Variants in PCSK2 observed in about 807,000 individuals in gnomAD.
PCSK2 encodes neuroendocrine convertase 2.
PCSK2 carries 14 observed loss-of-function variants against 69.7 expected under a neutral mutation model. The ratio of observed to expected loss-of-function variants is 0.20; its 90% CI spans 0.13 to 0.31. The LOEUF is 0.31. PCSK2 is among the 10% of genes least tolerant of loss of function. The probability of loss-of-function intolerance (pLI) is 1.00; values close to 1 mark genes in which losing one functional copy is unlikely to be tolerated. For synonymous variants in PCSK2, 307 were observed against 320.7 expected, an observed-to-expected ratio of 0.96 and a Z score of 0.46; for missense variants, 544 against 842.5, an observed-to-expected ratio of 0.65 and a Z score of 4.39.
intron 1 of PCSK2, among the ~76,000 whole-genome samples, chr20:17,249,838 G>A (rs946638223): frequency 2.6e-5 from 4 of 151,850 alleles, no homozygotes; most frequent in East Asian, 1.9e-4. Context: ...TCCAGGGCTG[G>A]GGGGGGAATG....
At chr20:17,317,014 C>T (rs1989710206) in intron 2 of PCSK2, among the ~76,000 whole-genome samples, 1 of 152,216 alleles carries the variant, frequency 6.6e-6, no homozygotes, top group South Asian at 2.1e-4. Flanking sequence ...TTCTTTCCTT[C>T]CTTGTTTTCT....
intron 10 of PCSK2, chr20:17,464,742 T>A (rs2033070762): frequency 6.5e-6 from 1 of 153,048 alleles, no homozygotes. Context: ...AGTTCATTCA[T>A]TCTCACTGCT....
intron 5 of PCSK2, among the ~76,000 whole-genome samples, chr20:17,385,265 T>C (rs1200604470): frequency 1.3e-5 from 2 of 152,220 alleles, no homozygotes; most frequent in African/African-American, 2.4e-5. Flanking sequence ...TGTTAGAAAC[T>C]TAAGTCCAGA....
intron 1 of PCSK2, among the ~76,000 whole-genome samples, chr20:17,245,674 G>A (rs759688044): frequency 6.6e-6 from 1 of 151,916 alleles, no homozygotes; most frequent in Non-Finnish European, 1.5e-5. Flanking sequence ...TTTTTACCTC[G>A]TGTTCAATCT....
chr20:17,373,944 G>T (rs1056270522), intron 5 of PCSK2, among the ~76,000 whole-genome samples: 1 of 152,142 alleles, frequency 6.6e-6, no homozygotes, highest in East Asian at 1.9e-4. Flanking sequence ...TTTCATCGGA[G>T]GGATCCAGTC....
At chr20:17,356,940 T>C (rs1429342437) in intron 2 of PCSK2, among the ~76,000 whole-genome samples, 2 of 151,922 alleles carry the variant, frequency 1.3e-5, no homozygotes, top group African/African-American at 2.4e-5. Flanking sequence ...ACCTAGAACT[T>C]CACTCCACCA....
Position 17,279,317 on chromosome 20 carries a change from A to G in PCSK2, c.282+18973A>G, listed in dbSNP as rs73249888. Among the ~76,000 whole-genome samples the G allele has an allele frequency of 3.9e-3, 587 of 152,288 alleles. 2 individuals carry two copies. Among genetic ancestry groups the G allele is most frequent in the African/African-American group, 0.014 (565 of 41,564 alleles). On this transcript the variant is annotated intron_variant, in intron 2 of 11. Coordinates refer to ENST00000262545, the MANE Select transcript of PCSK2 (RefSeq NM_002594.5). ...TGTTTCTCTGTTATCTTTGCCTACA[A>G]TGGTGCCATTGGGAGGTCAAGATCA...
intron 6 of PCSK2, among the ~76,000 whole-genome samples, chr20:17,412,113 G>C (rs1179760623): frequency 6.6e-6 from 1 of 152,142 alleles, no homozygotes; most frequent in African/African-American, 2.4e-5. Context: ...AAAAACGAGT[G>C]CCTCTTCTCC....
intron 2 of PCSK2, among the ~76,000 whole-genome samples, chr20:17,288,360 C>T (rs1392207939): frequency 2.0e-5 from 3 of 152,250 alleles, no homozygotes; most frequent in Non-Finnish European, 2.9e-5. Flanking sequence ...AGGGTGGCTT[C>T]GATGGACAGC....
At position 17,453,664 on chromosome 20, in the gene PCSK2, C is replaced by A. The variant is rs569725143; in HGVS notation, c.886-78C>A. ...AGGTTCAACTGCTGAAGAAGCCCAA[C>A]CCCTGGGCTGGAGACCTCCCCTGCC... On this transcript the variant is annotated intron_variant, in intron 8 of 11. Coordinates refer to ENST00000262545, the MANE Select transcript of PCSK2 (RefSeq NM_002594.5). The surrounding 1 kb of genome is among the most constrained non-coding windows in gnomAD (Gnocchi z 4.0). 2.1e-5 allele frequency: 32 copies of A among 1,530,920 alleles called. No individual in the cohort carries two copies. In the African/African-American group the frequency reaches 3.0e-4, roughly 14 times the overall value. 94.8% of individuals were successfully genotyped at this position (1,530,920 alleles called of 1,614,324 possible).
At chr20:17,412,768 G>A (rs1233283594) in intron 6 of PCSK2, among the ~76,000 whole-genome samples, 1 of 152,152 alleles carries the variant, frequency 6.6e-6, no homozygotes, top group Non-Finnish European at 1.5e-5. Flanking sequence ...AAAATGTTAA[G>A]GGTAGCCAGA....
At chr20:17,356,306 A>G (rs2030194895) in intron 2 of PCSK2, among the ~76,000 whole-genome samples, 1 of 152,098 alleles carries the variant, frequency 6.6e-6, no homozygotes, top group Non-Finnish European at 1.5e-5. Context: ...AGCTTGCCAC[A>G]GTGACTGTGA....
chr20:17,440,630 G>T (rs561747699), intron 8 of PCSK2, among the ~76,000 whole-genome samples: 1 of 152,294 alleles, frequency 6.6e-6, no homozygotes, highest in South Asian at 2.1e-4. Context: ...GGGGGCTAAG[G>T]CGGGTGGATC....
At chr20:17,377,221 G>T (rs2030953484) in intron 5 of PCSK2, among the ~76,000 whole-genome samples, 1 of 152,192 alleles carries the variant, frequency 6.6e-6, no homozygotes, top group South Asian at 2.1e-4. Flanking sequence ...TATGTTCTTT[G>T]GTTCCGTTCA....
At chr20:17,418,382 G>A (rs1393447732) in intron 6 of PCSK2, among the ~76,000 whole-genome samples, 1 of 152,096 alleles carries the variant, frequency 6.6e-6, no homozygotes, top group African/African-American at 2.4e-5. Context: ...TGTATCCCAG[G>A]GCAAGGATAT....
At chr20:17,422,574 T>C (rs953433888) in intron 6 of PCSK2, among the ~76,000 whole-genome samples, 1 of 150,480 alleles carries the variant, frequency 6.6e-6, no homozygotes, top group Non-Finnish European at 1.5e-5. Context: ...AAAATTGATA[T>C]GGAAAAACAA....
rs745788124 is a variant in PCSK2 at position 17,358,322 on chromosome 20, T to C, written c.283-5T>C. The C allele has an allele frequency of 6.5e-7, 1 of 1,539,048 alleles. No homozygotes were observed. The highest frequency in any genetic ancestry group is 9.0e-7 in the Non-Finnish European group (1 of 1,111,626). Reference sequence around the variant, plus strand: ...TCAGGTAATATGTCAGCATTGTCATTCCAGGTAAAGATGGCTTTGCAGCAG... The same window carrying C: ...TCAGGTAATATGTCAGCATTGTCATCCCAGGTAAAGATGGCTTTGCAGCAG... On this transcript the variant is annotated splice_polypyrimidine_tract_variant and splice_region_variant and intron_variant, in intron 2 of 11. Coordinates refer to ENST00000262545, the MANE Select transcript of PCSK2 (RefSeq NM_002594.5).
intron 1 of PCSK2, among the ~76,000 whole-genome samples, chr20:17,251,770 G>T (rs897257640): frequency 1.3e-5 from 2 of 152,286 alleles, no homozygotes; most frequent in South Asian, 4.1e-4. Context: ...TGTAATCCAG[G>T]CAGGGCACAG....
intron 4 of PCSK2, among the ~76,000 whole-genome samples, chr20:17,361,918 G>C (rs2030409723): frequency 6.6e-6 from 1 of 152,160 alleles, no homozygotes; most frequent in South Asian, 2.1e-4. Flanking sequence ...AAGGGGTTCA[G>C]GCCAGCTCAC....
Sources: gnomAD v4.1 joint callset for allele counts (sites outside exome capture counted in the v4.1 genomes callset) on GRCh38, gnomAD v4.1.1 for gene constraint, Gnocchi (gnomAD v3.1) non-coding constraint, MANE v1.5 for transcripts, NCBI Gene and HGNC (gene_info 2026-07-23, HGNC 2026-07-21) for gene names.